The following KCNJ16 variants were observed in gnomAD, a reference collection of about 807,000 sequenced individuals.
The protein encoded by KCNJ16 is potassium inwardly rectifying channel subfamily J member 16.
KCNJ16 carries 15 observed loss-of-function variants against 18.5 expected under a neutral mutation model. The observed-to-expected ratio is 0.81, with a 90% CI of 0.54 to 1.25. The LOEUF (loss-of-function observed/expected upper bound fraction) is 1.25. KCNJ16 is among the 50% of genes most tolerant of loss of function. KCNJ16 has a pLI of 0.00. For missense variants in KCNJ16, 523 were observed against 525.7 expected, an observed-to-expected ratio of 0.99 and a Z score of 0.05; for synonymous variants, 174 against 186.5, an observed-to-expected ratio of 0.93 and a Z score of 0.55.
chr17:70,084,455 C>G (rs1046109066), intron 1 of KCNJ16, among the ~76,000 whole-genome samples: 41 of 152,106 alleles, frequency 2.7e-4, no homozygotes, highest in African/African-American at 9.9e-4. Flanking sequence ...TACACACAAA[C>G]GAGCTTTGGA....
chr17:70,118,904 A>C (rs1182624686), intron 2 of KCNJ16, among the ~76,000 whole-genome samples: 4 of 152,180 alleles, frequency 2.6e-5, no homozygotes, highest in African/African-American at 9.7e-5. Flanking sequence ...AACTTATTCT[A>C]GCATTAACTC....
intron 1 of KCNJ16, among the ~76,000 whole-genome samples, chr17:70,088,423 A>G (rs1859709528): frequency 1.3e-5 from 2 of 152,222 alleles, no homozygotes; most frequent in Admixed American, 6.5e-5. Flanking sequence ...GTTGCTGTTC[A>G]CCGCCTGCTG....
chr17:70,106,116 A>G (rs2072911018), intron 2 of KCNJ16, among the ~76,000 whole-genome samples: 1 of 152,196 alleles, frequency 6.6e-6, no homozygotes, highest in South Asian at 2.1e-4. Flanking sequence ...AAAACAGGTC[A>G]GCTAAAATTA....
At chr17:70,081,121 A>G (rs1308963398) in intron 1 of KCNJ16, among the ~76,000 whole-genome samples, 1 of 152,184 alleles carries the variant, frequency 6.6e-6, no homozygotes, top group Admixed American at 6.5e-5. Context: ...AGTTTCCAGA[A>G]TATTAGAGAT....
At chr17:70,127,417 G>A (rs1202095134) in intron 2 of KCNJ16, among the ~76,000 whole-genome samples, 2 of 151,152 alleles carry the variant, frequency 1.3e-5, no homozygotes, top group South Asian at 2.1e-4. Flanking sequence ...CCAGGCCTCA[G>A]GCTCCTGCAT....
intron 2 of KCNJ16, among the ~76,000 whole-genome samples, chr17:70,121,794 G>GA (rs766943857): frequency 5.1e-4 from 76 of 148,844 alleles, no homozygotes; most frequent in East Asian, 2.2e-3. Flanking sequence ...TTTCTCTACT[G>GA]AAAAAAAAAA....
chr17:70,134,667 ATTAT>A lies in KCNJ16; in HGVS notation c.*1326_*1329del, dbSNP rs2074169762. On this transcript the variant is annotated 3_prime_UTR_variant, in exon 4 of 4. Coordinates refer to ENST00000392671, the MANE Select transcript of KCNJ16 (RefSeq NM_170741.4). ...CAAAGAGATATTAGGAACATTCAGA[ATTAT>A]TTGTGTTTTGTTTTTGTTTTACATT... is the stretch of plus-strand genomic sequence containing the variant. 6.0e-6 allele frequency: 1 copy of A among 167,014 alleles called. No homozygotes were observed. The highest frequency in any genetic ancestry group is 6.5e-5 in the Admixed American group (1 of 15,284). The allele number at this position is 167,014 out of a possible 1,614,324, so 10.3% of individuals were successfully genotyped here.
chr17:70,082,907 ATTATT>A (rs1413612472), intron 1 of KCNJ16, among the ~76,000 whole-genome samples: 1 of 152,142 alleles, frequency 6.6e-6, no homozygotes, highest in East Asian at 1.9e-4. Flanking sequence ...TACATTTATT[ATTATT>A]TTAAAGTAAG....
At chr17:70,123,064 T>C (rs910777278) in intron 2 of KCNJ16, among the ~76,000 whole-genome samples, 1 of 152,202 alleles carries the variant, frequency 6.6e-6, no homozygotes, top group African/African-American at 2.4e-5. Flanking sequence ...ATGATCTTGT[T>C]CAAATGCAAA....
intron 2 of KCNJ16, among the ~76,000 whole-genome samples, chr17:70,103,542 C>A (rs950405160): frequency 3.3e-5 from 5 of 151,790 alleles, no homozygotes. Flanking sequence ...TCAAGCAATT[C>A]TTTTTCTCAG....
intron 1 of KCNJ16, among the ~76,000 whole-genome samples, chr17:70,089,144 T>A (rs2071972085): frequency 6.6e-6 from 1 of 152,178 alleles, no homozygotes; most frequent in Non-Finnish European, 1.5e-5. Flanking sequence ...CTTCTTCTGA[T>A]CCCTATATGT....
In KCNJ16 at chr17:70,132,443, C is replaced by T; in HGVS notation, c.356C>T (p.Thr119Ile). Reference protein sequence around the residue: ...TPCVDNVHSFTGAFLFSLETQ... With the variant: ...TPCVDNVHSFIGAFLFSLETQ... ...TGTGTTGACAACGTCCATTCTTTCA[C>T]AGGGGCCTTTTTGTTCTCCCTAGAG... Residue 119 changes from threonine (T) to isoleucine (I), a missense_variant, in exon 4 of 4, where the codon ACA becomes ATA. Physicochemically the swap from Thr to Ile is moderately conservative, Grantham distance 89. Transcript: ENST00000392671. 1 of 1,614,154 alleles carries T rather than the reference C, an allele frequency of 6.2e-7. No individual in the cohort carries two copies. Among genetic ancestry groups the T allele is most frequent in the Non-Finnish European group, 8.5e-7 (1 of 1,180,008 alleles).
At chr17:70,077,673 T>TG (rs542652756) in intron 1 of KCNJ16, among the ~76,000 whole-genome samples, 2 of 37,142 alleles carry the variant, frequency 5.4e-5, no homozygotes, top group African/African-American at 1.9e-4. Flanking sequence ...GGTTAGGCTG[T>TG]GTTTTTTTTT....
intron 2 of KCNJ16, among the ~76,000 whole-genome samples, chr17:70,127,783 T>C (rs1598180664): frequency 1.3e-5 from 2 of 152,320 alleles, no homozygotes; most frequent in African/African-American, 4.8e-5. Context: ...GGAAAGCAAC[T>C]TGAATAATGA....
chr17:70,111,808 C>G (rs1221561835), intron 2 of KCNJ16, among the ~76,000 whole-genome samples: 1 of 152,108 alleles, frequency 6.6e-6, no homozygotes, highest in Non-Finnish European at 1.5e-5. Flanking sequence ...CTCTCATTCT[C>G]TCTTGCTGCT....
intron 2 of KCNJ16, among the ~76,000 whole-genome samples, chr17:70,129,247 C>A (rs576187247): frequency 1.3e-5 from 2 of 152,152 alleles, no homozygotes. Flanking sequence ...AAGAAAATTA[C>A]GAAAGCATCG....
chr17:70,129,962 A>G (rs959419738), intron 2 of KCNJ16, among the ~76,000 whole-genome samples: 9 of 151,822 alleles, frequency 5.9e-5, no homozygotes, highest in Admixed American at 2.6e-4. Context: ...TGGCAGAAGA[A>G]AAGAGCAGAG....
intron 2 of KCNJ16, chr17:70,128,801 A>C (rs2073950776): frequency 6.6e-6 from 1 of 152,238 alleles, no homozygotes; most frequent in Non-Finnish European, 1.5e-5. Context: ...AACAAACACC[A>C]CAAGGCGGTG....
chr17:70,115,658 G>A (rs566321508), intron 2 of KCNJ16, among the ~76,000 whole-genome samples: 16 of 152,210 alleles, frequency 1.1e-4, no homozygotes, highest in African/African-American at 3.6e-4. Context: ...AATGCATTTG[G>A]TGCCCATTTA....
Sources: gnomAD v4.1 joint callset for allele counts (sites outside exome capture counted in the v4.1 genomes callset) on GRCh38, gnomAD v4.1.1 for gene constraint, MANE v1.5 for transcripts, NCBI Gene and HGNC (gene_info 2026-07-23, HGNC 2026-07-21) for gene names.